Variants in ANKRD44 observed in about 807,000 individuals in gnomAD.
The protein encoded by ANKRD44 is serine/threonine-protein phosphatase 6 regulatory ankyrin repeat subunit B.
ANKRD44 carries 35 observed loss-of-function variants against 116.0 expected under a neutral mutation model. The observed-to-expected ratio is 0.30, with a 90% CI of 0.23 to 0.40. The LOEUF (loss-of-function observed/expected upper bound fraction) is 0.40. Among genes scored for constraint, ANKRD44 ranks in the 10% least tolerant of loss-of-function variants. The pLI, the probability that ANKRD44 is intolerant of heterozygous loss-of-function variation, is 1.00. For synonymous variants in ANKRD44, 435 were observed against 461.8 expected, an observed-to-expected ratio of 0.94 and a Z score of 0.74; for missense variants, 1,014 against 1,242.6, an observed-to-expected ratio of 0.82 and a Z score of 2.77.
chr2:197,285,345 C>A (rs997631340), intron 1 of ANKRD44, among the ~76,000 whole-genome samples: 1 of 152,100 alleles, frequency 6.6e-6, no homozygotes, highest in Non-Finnish European at 1.5e-5. Flanking sequence ...ATACCCAGAT[C>A]CCAGGTTCTT....
intron 21 of ANKRD44, among the ~76,000 whole-genome samples, chr2:196,979,470 G>T (rs1051825899): frequency 6.7e-6 from 1 of 150,348 alleles, no homozygotes; most frequent in African/African-American, 2.4e-5. Context: ...ACAGTGCTTG[G>T]CACATTGTAA....
At chr2:197,178,651 T>C (rs2080428239) in intron 2 of ANKRD44, among the ~76,000 whole-genome samples, 1 of 152,120 alleles carries the variant, frequency 6.6e-6, no homozygotes, top group South Asian at 2.1e-4. Context: ...ATATTAGATG[T>C]TTACTTGATT....
At chr2:197,069,496 T>TA (rs1351695859) in intron 16 of ANKRD44, among the ~76,000 whole-genome samples, 1 of 152,204 alleles carries the variant, frequency 6.6e-6, no homozygotes, top group Non-Finnish European at 1.5e-5. Flanking sequence ...CCACCTTTGT[T>TA]AAAAATCAGT....
chr2:197,034,283 A>G (rs1370955863), intron 16 of ANKRD44, among the ~76,000 whole-genome samples: 1 of 152,116 alleles, frequency 6.6e-6, no homozygotes, highest in Non-Finnish European at 1.5e-5. Flanking sequence ...AGTTCTGCAC[A>G]TAGAGCTTGT....
At chr2:197,192,878 C>T (rs1047670899) in intron 1 of ANKRD44, among the ~76,000 whole-genome samples, 3 of 152,080 alleles carry the variant, frequency 2.0e-5, no homozygotes, top group African/African-American at 7.2e-5. Flanking sequence ...ATACTGAGTC[C>T]TTATAAATAC....
chr2:197,065,305 T>C (rs992345686), intron 16 of ANKRD44, among the ~76,000 whole-genome samples: 2 of 152,148 alleles, frequency 1.3e-5, no homozygotes, highest in African/African-American at 4.8e-5. Context: ...TTTAAAGCAG[T>C]GTGTAGAGGG....
intron 1 of ANKRD44, among the ~76,000 whole-genome samples, chr2:197,210,378 G>A (rs1476318780): frequency 6.6e-6 from 1 of 152,174 alleles, no homozygotes; most frequent in Non-Finnish European, 1.5e-5. Context: ...GTTTACAGAT[G>A]AGAAAACCAA....
At chr2:197,264,866 C>G (rs967865112) in intron 1 of ANKRD44, among the ~76,000 whole-genome samples, 1 of 152,158 alleles carries the variant, frequency 6.6e-6, no homozygotes, top group African/African-American at 2.4e-5. Context: ...ATACTTAGGT[C>G]AAAGTTACCA....
At chr2:197,219,287 C>A (rs534571986) in intron 1 of ANKRD44, among the ~76,000 whole-genome samples, 1 of 152,126 alleles carries the variant, frequency 6.6e-6, no homozygotes, top group South Asian at 2.1e-4. Flanking sequence ...CCAGGATGGT[C>A]TTGATCTCCT....
chr2:197,224,079 AGGATCTT>A (rs2081646115), intron 1 of ANKRD44, among the ~76,000 whole-genome samples: 1 of 152,196 alleles, frequency 6.6e-6, no homozygotes, highest in Non-Finnish European at 1.5e-5. Flanking sequence ...ATCTATGGAA[AGGATCTT>A]GGTCCCTTAA....
chr2:197,078,292 CA>C (rs1276926465), intron 16 of ANKRD44: 9 of 5,312 alleles, frequency 1.7e-3, no homozygotes, highest in East Asian at 0.011. Flanking sequence ...CTGATTACCA[CA>C]CACACACACA....
chr2:197,104,664 C>T (rs1395542994), intron 9 of ANKRD44, among the ~76,000 whole-genome samples: 2 of 152,180 alleles, frequency 1.3e-5, no homozygotes, highest in African/African-American at 4.8e-5. Context: ...ATCTATATGT[C>T]CTTCATTCCA....
At chr2:197,253,650 C>A (rs1379462767) in intron 1 of ANKRD44, among the ~76,000 whole-genome samples, 2 of 152,186 alleles carry the variant, frequency 1.3e-5, no homozygotes, top group Admixed American at 6.5e-5. Context: ...TATGTCAATT[C>A]TTTCCTAACT....
intron 16 of ANKRD44, among the ~76,000 whole-genome samples, chr2:197,032,041 T>C (rs1193390447): frequency 3.9e-5 from 6 of 152,294 alleles, no homozygotes; most frequent in Non-Finnish European, 2.9e-5. Context: ...AATAAACTTT[T>C]AGTCAAAGGA....
At chr2:197,117,339 A>G (rs1396392546) in intron 8 of ANKRD44, among the ~76,000 whole-genome samples, 3 of 152,104 alleles carry the variant, frequency 2.0e-5, no homozygotes, top group African/African-American at 7.2e-5. Context: ...TCTCAGATTC[A>G]AGCAATTCTC....
intron 2 of ANKRD44, among the ~76,000 whole-genome samples, chr2:197,162,284 A>G (rs1201781360): frequency 1.3e-5 from 2 of 152,216 alleles, no homozygotes; most frequent in African/African-American, 4.8e-5. Flanking sequence ...ATGTGACAAG[A>G]CATTGAGGCT....
chr2:196,996,888 G>A (rs954117245), intron 25 of ANKRD44, among the ~76,000 whole-genome samples: 3 of 104,384 alleles, frequency 2.9e-5, no homozygotes, highest in African/African-American at 1.1e-4. Flanking sequence ...TGGGCAACAA[G>A]TAAGACTCTG....
At chr2:197,107,515 G>GT (rs2078460375) in intron 9 of ANKRD44, among the ~76,000 whole-genome samples, 3 of 151,202 alleles carry the variant, frequency 2.0e-5, no homozygotes, top group African/African-American at 7.4e-5. Flanking sequence ...AAAAGAGTGG[G>GT]GTTTTTTTTT....
chr2:197,087,589 A>G (rs2077955320), intron 12 of ANKRD44, among the ~76,000 whole-genome samples: 1 of 152,228 alleles, frequency 6.6e-6, no homozygotes, highest in Non-Finnish European at 1.5e-5. Context: ...AACTTAAATA[A>G]GAAAAATGAT....
Sources: allele counts gnomAD v4.1 joint callset (sites outside exome capture counted in the v4.1 genomes callset), GRCh38; gene constraint gnomAD v4.1.1; transcripts MANE v1.5; gene names NCBI Gene and HGNC (gene_info 2026-07-23, HGNC 2026-07-21).